Variants in NRXN1 observed in about 807,000 individuals in gnomAD.
NRXN1 encodes the protein neurexin 1.
A neutral mutation model predicts 150.9 loss-of-function variants in NRXN1; 39 were observed. That is an observed-to-expected ratio of 0.26 (90% CI 0.20 to 0.34). NRXN1 has a LOEUF of 0.34. Among genes scored for constraint, NRXN1 ranks in the 10% least tolerant of loss-of-function variants. The pLI is 1.00. For missense variants in NRXN1, 1,815 were observed against 1,949.9 expected, an observed-to-expected ratio of 0.93 and a Z score of 1.30; for synonymous variants, 924 against 757.0, an observed-to-expected ratio of 1.22 and a Z score of -3.62.
chr2:50,921,520 G>A (rs773505730), intron 5 of NRXN1, among the ~76,000 whole-genome samples: 8 of 151,678 alleles, frequency 5.3e-5, no homozygotes, highest in Non-Finnish European at 8.8e-5. Flanking sequence ...GTGTGCTCCA[G>A]AGCTGAATAT....
At position 49,994,619 on chromosome 2, in the gene NRXN1, G is replaced by A. The variant is rs554388703; in HGVS notation, c.4129-50828C>T. On this transcript the variant is annotated intron_variant, in intron 21 of 22. Transcript: ENST00000401669. ...CCTACCTATAAGGACCTCAAGCCAT[G>A]TAAAAACATCACAGCTGAGGGAACT... Among the ~76,000 whole-genome samples, 10 of 152,266 alleles carry A rather than the reference G, an allele frequency of 6.6e-5. No homozygotes were observed. In the South Asian group the frequency reaches 1.9e-3, roughly 28 times the overall value.
chr2:50,387,591 A>G (rs1003145622), intron 17 of NRXN1, among the ~76,000 whole-genome samples: 2 of 152,158 alleles, frequency 1.3e-5, no homozygotes, highest in African/African-American at 4.8e-5. Context: ...CTGCTAAGGT[A>G]GGAGAAGTGA....
chr2:50,309,518 C>T (rs138170337), intron 17 of NRXN1, among the ~76,000 whole-genome samples: 1 of 152,218 alleles, frequency 6.6e-6, no homozygotes, highest in Non-Finnish European at 1.5e-5. Flanking sequence ...AGACTTTTCC[C>T]CTGTATGTCA....
chr2:50,838,570 G>A (rs1274739018), intron 5 of NRXN1, among the ~76,000 whole-genome samples: 1 of 152,020 alleles, frequency 6.6e-6, no homozygotes, highest in Non-Finnish European at 1.5e-5. Context: ...TCATTTGTGT[G>A]GGCTCCAATC....
At chr2:50,460,270 G>A (rs1484299646) in intron 17 of NRXN1, among the ~76,000 whole-genome samples, 3 of 152,048 alleles carry the variant, frequency 2.0e-5, no homozygotes, top group African/African-American at 4.8e-5. Flanking sequence ...AGAAAAATTA[G>A]AGCATACTAG....
Position 50,176,081 on chromosome 2 carries a change from A to G in NRXN1, c.3546+60708T>C, listed in dbSNP as rs77203010. On this transcript the variant is annotated intron_variant, in intron 18 of 22. Coordinates refer to ENST00000401669, the MANE Select transcript of NRXN1 (RefSeq NM_001330078.2). ...ATTCAGTTAGAAGGATGGAAAAGCTATGACTTCTAGTATTAGCACTGACCT... is the reference window on the plus strand; with the variant it reads ...ATTCAGTTAGAAGGATGGAAAAGCTGTGACTTCTAGTATTAGCACTGACCT... Among the ~76,000 whole-genome samples the G allele has an allele frequency of 2.8e-4, 43 of 152,264 alleles. No individual in the cohort carries two copies. The East Asian group carries it at 8.3e-3, about 29-fold the overall frequency.
At chr2:50,269,481 C>A (rs2069299873) in intron 17 of NRXN1, among the ~76,000 whole-genome samples, 1 of 152,200 alleles carries the variant, frequency 6.6e-6, no homozygotes, top group African/African-American at 2.4e-5. Context: ...ACAAGGCATG[C>A]ACCAAAATAA....
chr2:50,768,157 T>C (rs903830887), intron 5 of NRXN1, among the ~76,000 whole-genome samples: 2 of 152,120 alleles, frequency 1.3e-5, no homozygotes, highest in Admixed American at 6.6e-5. Context: ...TCTTTCTCCA[T>C]GGCTGATACC....
chr2:50,024,398 C>A (rs1253920736), intron 21 of NRXN1, among the ~76,000 whole-genome samples: 2 of 152,098 alleles, frequency 1.3e-5, no homozygotes, highest in African/African-American at 2.4e-5. Flanking sequence ...AAAAAGGTTT[C>A]CCCTTGGTCT....
chr2:50,574,806 C>A (rs1223222161), intron 8 of NRXN1, among the ~76,000 whole-genome samples: 1 of 152,188 alleles, frequency 6.6e-6, no homozygotes, highest in African/African-American at 2.4e-5. Flanking sequence ...CATTCAAAGG[C>A]TACAAATTGT....
chr2:50,712,189 T>C (rs912292288), intron 5 of NRXN1, among the ~76,000 whole-genome samples: 3 of 152,170 alleles, frequency 2.0e-5, no homozygotes, highest in African/African-American at 7.2e-5. Context: ...TTTTACAGAT[T>C]CAGAGAGTTT....
rs1431486598 is a variant in NRXN1 at position 50,207,565 on chromosome 2, TTAGA to T, written c.3546+29220_3546+29223del. 3.7e-5 allele frequency: 6 copies of T among 162,478 alleles called. No individual in the cohort carries two copies. In the Admixed American group the frequency reaches 3.9e-4, roughly 11 times the overall value. 10.1% of individuals were successfully genotyped at this position (162,478 alleles called of 1,614,324 possible). A position where few individuals can be genotyped will look rare whatever the true frequency, so the allele number is the denominator to read the frequency against. On this transcript the variant is annotated intron_variant, in intron 18 of 22. Transcript: ENST00000401669. ...ATAAGGAAACAGAAGGTTGCAGATG[TTAGA>T]TAATTTGCTTATGATTCCGTAGCTA... is the stretch of plus-strand genomic sequence containing the variant.
At chr2:50,698,355 A>C (rs1408185775) in intron 5 of NRXN1, among the ~76,000 whole-genome samples, 1 of 152,240 alleles carries the variant, frequency 6.6e-6, no homozygotes, top group Non-Finnish European at 1.5e-5. Flanking sequence ...CTATCACAAA[A>C]GATTGCCTGC....
intron 5 of NRXN1, among the ~76,000 whole-genome samples, chr2:50,865,423 G>T (rs760105476): frequency 6.6e-6 from 1 of 151,880 alleles, no homozygotes; most frequent in African/African-American, 2.4e-5. Context: ...TATAAAAAAG[G>T]AATTGAGGCT....
chr2:50,311,751 G>A (rs1367658585), intron 17 of NRXN1, among the ~76,000 whole-genome samples: 2 of 152,032 alleles, frequency 1.3e-5, no homozygotes, highest in Non-Finnish European at 2.9e-5. Context: ...TGAATTCCAG[G>A]GTAGGGAGAC....
intron 17 of NRXN1, among the ~76,000 whole-genome samples, chr2:50,314,329 A>G (rs935378857): frequency 6.6e-6 from 1 of 152,062 alleles, no homozygotes; most frequent in Non-Finnish European, 1.5e-5. Context: ...GAGTCCTGCC[A>G]CTTTAAAAAA....
chr2:50,985,312 C>T (rs192080704), intron 2 of NRXN1: 1 of 151,842 alleles, frequency 6.6e-6, no homozygotes, highest in East Asian at 1.9e-4. Context: ...AGAGCTATGC[C>T]AATTTCCACT....
chr2:50,550,883 A>G (rs983792888), intron 9 of NRXN1, among the ~76,000 whole-genome samples: 2 of 151,392 alleles, frequency 1.3e-5, no homozygotes, highest in Non-Finnish European at 2.9e-5. Context: ...GGGTTTCACC[A>G]TGTTAGCCAG....
At chr2:50,588,241 C>CT (rs1013208525) in intron 8 of NRXN1, among the ~76,000 whole-genome samples, 11 of 152,088 alleles carry the variant, frequency 7.2e-5, no homozygotes, top group African/African-American at 1.4e-4. Flanking sequence ...GAATAAGCTG[C>CT]TTTTTTTAAC....
Sources: gnomAD v4.1 joint callset for allele counts (sites outside exome capture counted in the v4.1 genomes callset) on GRCh38, gnomAD v4.1.1 for gene constraint, MANE v1.5 for transcripts, NCBI Gene and HGNC (gene_info 2026-07-23, HGNC 2026-07-21) for gene names.